Variants in ST8SIA4 observed in about 807,000 individuals in gnomAD.
The protein encoded by ST8SIA4 is ST8 alpha-N-acetyl-neuraminide alpha-2,8-sialyltransferase 4.
In ST8SIA4, 15 loss-of-function variants were observed where a neutral mutation model predicts 33.9. The ratio of observed to expected loss-of-function variants is 0.44; its 90% CI spans 0.30 to 0.68. The LOEUF (loss-of-function observed/expected upper bound fraction) is 0.68, where lower values mean the gene tolerates loss of function less well. ST8SIA4 is among the 30% of genes least tolerant of loss of function. The probability of loss-of-function intolerance (pLI) is 0.10; values close to 1 mark genes in which losing one functional copy is unlikely to be tolerated. For synonymous variants in ST8SIA4, 171 were observed against 151.2 expected (o/e 1.13, Z -0.96); for missense variants, 321 against 428.0 (o/e 0.75, Z 2.21).
intron 4 of ST8SIA4, among the ~76,000 whole-genome samples, chr5:100,832,144 CATTT>C (rs1406239805): frequency 6.6e-6 from 1 of 152,072 alleles, no homozygotes; most frequent in Non-Finnish European, 1.5e-5. Context: ...TGCTCATTGA[CATTT>C]AAAGCAGAAG....
Position 100,819,228 on chromosome 5 carries a change from T to C in ST8SIA4, c.798-7099A>G, listed in dbSNP as rs545107380. On this transcript the variant is annotated intron_variant, in intron 4 of 4. Coordinates refer to ENST00000231461, the MANE Select transcript of ST8SIA4 (RefSeq NM_005668.6). ...AGCCAACAAGCTGTACATTGGTACG[T>C]TGGTGAATGTTTAAAGCAGACACTG... Among the ~76,000 whole-genome samples the C allele has an allele frequency of 4.9e-4, 75 of 152,304 alleles. No individual in the cohort carries two copies. The East Asian group carries it at 5.8e-3, about 12-fold the overall frequency.
At chr5:100,895,823 G>A in intron 1 of ST8SIA4, 38 bp from the exon 2 acceptor site, 1 of 1,608,448 alleles carries the variant, frequency 6.2e-7, no homozygotes, top group East Asian at 2.2e-5. Context: ...GTGAAAGTAA[G>A]AAACATTTTG....
At chr5:100,853,983 G>A (rs1403319020) in intron 4 of ST8SIA4, among the ~76,000 whole-genome samples, 1 of 147,136 alleles carries the variant, frequency 6.8e-6, no homozygotes, top group African/African-American at 2.5e-5. Flanking sequence ...TTGTGTGTGT[G>A]TATGTGTGTG....
chr5:100,826,961 T>TACACACACAC (rs528367578), intron 4 of ST8SIA4, among the ~76,000 whole-genome samples: 1 of 147,470 alleles, frequency 6.8e-6, no homozygotes, highest in Non-Finnish European at 1.5e-5. Context: ...TGTGTGTATA[T>TACACACACAC]ACACACACAC....
chr5:100,871,909 G>T (rs1236210471), intron 3 of ST8SIA4, among the ~76,000 whole-genome samples: 2 of 152,116 alleles, frequency 1.3e-5, no homozygotes, highest in East Asian at 3.9e-4. Flanking sequence ...TAGGAACCCA[G>T]ATTTTCTGAT....
chr5:100,826,602 T>G (rs1349434621), intron 4 of ST8SIA4, among the ~76,000 whole-genome samples: 1 of 152,122 alleles, frequency 6.6e-6, no homozygotes, highest in African/African-American at 2.4e-5. Context: ...AGTTCTAAAT[T>G]TATACGTGAA....
chr5:100,888,763 G>A (rs1421955833), intron 2 of ST8SIA4, among the ~76,000 whole-genome samples: 2 of 151,758 alleles, frequency 1.3e-5, no homozygotes, highest in Non-Finnish European at 3.0e-5. Context: ...TTCTTTTGTT[G>A]TCTTTATTTT....
intron 4 of ST8SIA4, among the ~76,000 whole-genome samples, chr5:100,841,257 AC>A (rs1422928581): frequency 1.3e-5 from 2 of 151,796 alleles, no homozygotes; most frequent in Non-Finnish European, 2.9e-5. Flanking sequence ...GTAAACTGGG[AC>A]TTTTGTAAAT....
intron 2 of ST8SIA4, among the ~76,000 whole-genome samples, chr5:100,892,729 A>T (rs1023853041): frequency 6.6e-6 from 1 of 152,108 alleles, no homozygotes; most frequent in Non-Finnish European, 1.5e-5. Context: ...TCAGTAAGAT[A>T]AAAAAATGGT....
chr5:100,860,141 C>T (rs889760043), intron 3 of ST8SIA4, among the ~76,000 whole-genome samples: 15 of 152,202 alleles, frequency 9.9e-5, no homozygotes, highest in Admixed American at 4.6e-4. Context: ...TTCACACACC[C>T]AACAGATTAA....
intron 1 of ST8SIA4, chr5:100,900,314 C>A (rs1752875095): frequency 4.7e-6 from 2 of 428,372 alleles, no homozygotes; most frequent in South Asian, 3.2e-5. Flanking sequence ...GCCTTGGTTA[C>A]CTCACTTGAA....
chr5:100,879,600 C>G (rs1752373588), intron 3 of ST8SIA4, among the ~76,000 whole-genome samples: 1 of 152,094 alleles, frequency 6.6e-6, no homozygotes, highest in African/African-American at 2.4e-5. Context: ...TACAACATTT[C>G]TCTAGGTTGT....
intron 4 of ST8SIA4, among the ~76,000 whole-genome samples, chr5:100,826,492 C>T (rs529199299): frequency 7.9e-5 from 12 of 151,998 alleles, no homozygotes; most frequent in Middle Eastern, 3.4e-3. Context: ...AAAAAAAATA[C>T]GAAAACAAAA....
At chr5:100,871,572 T>C (rs957032886) in intron 3 of ST8SIA4, among the ~76,000 whole-genome samples, 14 of 152,092 alleles carry the variant, frequency 9.2e-5, no homozygotes, top group African/African-American at 2.9e-4. Flanking sequence ...CAACTTTACA[T>C]ATGTTTGATA....
chr5:100,871,996 T>C (rs1202907466), intron 3 of ST8SIA4, among the ~76,000 whole-genome samples: 1 of 152,104 alleles, frequency 6.6e-6, no homozygotes, highest in Non-Finnish European at 1.5e-5. Context: ...ATTCTCTTTA[T>C]ATATGACTCC....
chr5:100,815,226 A>T (rs1210345272), intron 4 of ST8SIA4, among the ~76,000 whole-genome samples: 1 of 151,974 alleles, frequency 6.6e-6, no homozygotes, highest in Non-Finnish European at 1.5e-5. Context: ...AGGAAAAAAA[A>T]TCTAAGAAAA....
rs908717066 is a variant in ST8SIA4 at position 100,809,330 on chromosome 5, A to C, written c.*2517T>G. The C allele has an allele frequency of 7.4e-6, 1 of 135,442 alleles. No homozygotes were observed. The highest frequency in any genetic ancestry group is 1.7e-5 in the Non-Finnish European group (1 of 59,436). 8.4% of individuals were successfully genotyped at this position (135,442 alleles called of 1,614,324 possible). A position where few individuals can be genotyped will look rare whatever the true frequency, so the allele number is the denominator to read the frequency against. ...CCGAGTGTGGTGGTGGGCGCCTGTA[A>C]CCCCAGCTACTTGGGAGGCTGAGGC... On this transcript the variant is annotated 3_prime_UTR_variant, in exon 5 of 5. Transcript: ENST00000231461.
chr5:100,885,976 A>G, intron 3 of ST8SIA4: 1 of 866,660 alleles, frequency 1.2e-6, no homozygotes, highest in Non-Finnish European at 1.4e-6. Flanking sequence ...CCATAGTAAT[A>G]TTCATAATCT....
intron 2 of ST8SIA4, among the ~76,000 whole-genome samples, chr5:100,888,311 AGTATGTG>A (rs1328888877): frequency 3.3e-5 from 5 of 151,860 alleles, no homozygotes; most frequent in African/African-American, 1.2e-4. Context: ...AAGTTTTCCT[AGTATGTG>A]GTCAAGTTAT....
Sources: allele counts gnomAD v4.1 joint callset (sites outside exome capture counted in the v4.1 genomes callset), GRCh38; gene constraint gnomAD v4.1.1; transcripts MANE v1.5; gene names NCBI Gene and HGNC (gene_info 2026-07-23, HGNC 2026-07-21).